The following VAV3 variants were observed in gnomAD, a reference collection of about 807,000 sequenced individuals.
The protein encoded by VAV3 is vav guanine nucleotide exchange factor 3.
Under a neutral mutation model 131.2 loss-of-function variants are expected in VAV3, and 94 were observed. The ratio of observed to expected loss-of-function variants is 0.72; its 90% CI spans 0.61 to 0.85. The LOEUF is 0.85. Ranked by LOEUF, VAV3 falls within the 40% of genes least tolerant of loss-of-function variation. VAV3 has a pLI of 0.00. For missense variants in VAV3, 939 were observed against 1,002.7 expected, an observed-to-expected ratio of 0.94 and a Z score of 0.86; for synonymous variants, 349 against 342.0, an observed-to-expected ratio of 1.02 and a Z score of -0.22.
intron 19 of VAV3, among the ~76,000 whole-genome samples, chr1:107,653,143 T>A (rs924648714): frequency 1.3e-5 from 2 of 151,792 alleles, no homozygotes; most frequent in Non-Finnish European, 2.9e-5. Flanking sequence ...TATTGATTTA[T>A]AAGCTAAAAT....
rs146244286 is a variant in VAV3, at chr1:107,964,851, A to C, written c.19T>G (p.Cys7Gly). 4.7e-4 allele frequency: 751 copies of C among 1,607,960 alleles called. 1 individual carries two copies. Among genetic ancestry groups the C allele is most frequent in the Non-Finnish European group, 5.8e-4 (684 of 1,177,314 alleles). Residue 7 changes from cysteine (C) to glycine (G), a missense_variant, in exon 1 of 27, where the codon TGC becomes GGC. Physicochemically the swap from Cys to Gly is radical, Grantham distance 159. Transcript: ENST00000370056. The part of the protein sequence containing the change: MEPWKQ[C>G]AQWLIHCKVL... The stretch of plus-strand genomic sequence containing the variant: ...TTGCAATGGATGAGCCACTGCGCGC[A>C]CTGCTTCCACGGCTCCATGCCCGAC...
chr1:107,747,382 G>C (rs1317100938), intron 15 of VAV3, among the ~76,000 whole-genome samples: 1 of 151,288 alleles, frequency 6.6e-6, no homozygotes, highest in African/African-American at 2.4e-5. Flanking sequence ...TAGCATATAA[G>C]AGCAAAGGCT....
chr1:107,955,824 A>AT (rs1284051117), intron 1 of VAV3, among the ~76,000 whole-genome samples: 4 of 152,154 alleles, frequency 2.6e-5, no homozygotes, highest in African/African-American at 9.7e-5. Flanking sequence ...AGGAGGTTGG[A>AT]TTTTATCCCA....
intron 2 of VAV3, among the ~76,000 whole-genome samples, chr1:107,781,957 A>G (rs1665713709): frequency 6.6e-6 from 1 of 152,238 alleles, no homozygotes; most frequent in Admixed American, 6.5e-5. Flanking sequence ...ATTATTCACT[A>G]TTAAGCGAAA....
intron 19 of VAV3, among the ~76,000 whole-genome samples, chr1:107,676,085 T>C (rs1335206683): frequency 6.6e-6 from 1 of 152,212 alleles, no homozygotes; most frequent in Non-Finnish European, 1.5e-5. Flanking sequence ...CTGAAACTTG[T>C]TGCACACAAT....
intron 1 of VAV3, among the ~76,000 whole-genome samples, chr1:107,935,678 T>C (rs902526384): frequency 2.6e-5 from 4 of 152,070 alleles, no homozygotes; most frequent in African/African-American, 4.8e-5. Context: ...AAAGGGACAA[T>C]AGGGTGCAGT....
At chr1:107,593,156 T>TC (rs1260978183) in intron 25 of VAV3, among the ~76,000 whole-genome samples, 1 of 152,112 alleles carries the variant, frequency 6.6e-6, no homozygotes, top group African/African-American at 2.4e-5. Flanking sequence ...AATGTTATGC[T>TC]CCTTGCCCAA....
intron 2 of VAV3, among the ~76,000 whole-genome samples, chr1:107,863,467 C>G (rs1260731026): frequency 1.3e-5 from 2 of 152,212 alleles, no homozygotes; most frequent in African/African-American, 2.4e-5. Flanking sequence ...AAAGTACTCA[C>G]TGGCCCTTTG....
chr1:107,575,402 G>A (rs1362132013), intron 25 of VAV3, among the ~76,000 whole-genome samples: 1 of 152,042 alleles, frequency 6.6e-6, no homozygotes, highest in African/African-American at 2.4e-5. Flanking sequence ...TTGGCCACAG[G>A]GATCTCTGAC....
At chr1:107,779,638 T>C (rs1665574082) in intron 2 of VAV3, 146 bp from the exon 3 acceptor site, 3 of 456,956 alleles carry the variant, frequency 6.6e-6, no homozygotes, top group African/African-American at 4.0e-5. Context: ...AGAAGGGCTG[T>C]GATTGGGAAG....
intron 8 of VAV3, 71 bp downstream of exon 8, chr1:107,766,376 T>A: frequency 1.0e-6 from 1 of 998,108 alleles, no homozygotes; most frequent in Non-Finnish European, 1.5e-6. Context: ...AGCTATTTGT[T>A]AGCTATTTTA....
chr1:107,765,473 T>G (rs78030018), intron 8 of VAV3, among the ~76,000 whole-genome samples: 3,528 of 152,266 alleles, frequency 0.023, 95 homozygotes, highest in African/African-American at 0.06. Context: ...TAGACATAAA[T>G]GCATTCCAAA....
At chr1:107,664,624 G>T (rs1657279407) in intron 19 of VAV3, among the ~76,000 whole-genome samples, 1 of 152,082 alleles carries the variant, frequency 6.6e-6, no homozygotes, top group African/African-American at 2.4e-5. Flanking sequence ...CAGATACCAT[G>T]GGTATAAATA....
chr1:107,806,459 T>C (rs1035118107), intron 2 of VAV3, among the ~76,000 whole-genome samples: 5 of 152,112 alleles, frequency 3.3e-5, no homozygotes, highest in Non-Finnish European at 7.4e-5. Flanking sequence ...TGGTTTTCTG[T>C]GGGGGCCATT....
chr1:107,901,921 T>TA (rs1229294325), intron 1 of VAV3, among the ~76,000 whole-genome samples: 1 of 151,928 alleles, frequency 6.6e-6, no homozygotes, highest in Non-Finnish European at 1.5e-5. Flanking sequence ...CATGCACCTG[T>TA]AATCCCAGCT....
At chr1:107,638,919 C>CA (rs1232591785) in intron 20 of VAV3, among the ~76,000 whole-genome samples, 1 of 151,786 alleles carries the variant, frequency 6.6e-6, no homozygotes, top group Non-Finnish European at 1.5e-5. Flanking sequence ...TATAGATACA[C>CA]ACACATATAA....
chr1:107,756,294 A>G (rs1307592761), intron 11 of VAV3, among the ~76,000 whole-genome samples: 1 of 151,784 alleles, frequency 6.6e-6, no homozygotes, highest in Non-Finnish European at 1.5e-5. Context: ...TTTTTTCTCT[A>G]CCCTCTTAAA....
intron 1 of VAV3, among the ~76,000 whole-genome samples, chr1:107,948,140 A>G (rs775141030): frequency 6.6e-6 from 1 of 152,108 alleles, no homozygotes; most frequent in African/African-American, 2.4e-5. Flanking sequence ...TCATTTTTCA[A>G]TGCTTTTTCA....
At chr1:107,757,388 A>C (rs988022040) in intron 10 of VAV3, 59 bp from the exon 11 acceptor site, 3 of 1,379,248 alleles carry the variant, frequency 2.2e-6, no homozygotes, top group Admixed American at 4.2e-5. Context: ...GACATACTAA[A>C]GAAAACATTT....
Sources: allele counts gnomAD v4.1 joint callset (sites outside exome capture counted in the v4.1 genomes callset), GRCh38; gene constraint gnomAD v4.1.1; transcripts MANE v1.5; gene names NCBI Gene and HGNC (gene_info 2026-07-23, HGNC 2026-07-21).